The following OBI1 variants were observed in gnomAD, a reference collection of about 807,000 sequenced individuals.
The protein encoded by OBI1 is ring finger protein 219.
Under a neutral mutation model 62.4 loss-of-function variants are expected in OBI1, and 59 were observed. The ratio of observed to expected loss-of-function variants is 0.95; its 90% CI spans 0.77 to 1.17. The LOEUF is 1.17. Among genes scored for constraint, OBI1 ranks in the 50% most tolerant of loss-of-function variants. OBI1 has a pLI of 0.00. For missense variants in OBI1, 875 were observed against 830.9 expected, an observed-to-expected ratio of 1.05 and a Z score of -0.65; for synonymous variants, 302 against 292.8, an observed-to-expected ratio of 1.03 and a Z score of -0.32.
intron 5 of OBI1, among the ~76,000 whole-genome samples, chr13:78,623,665 T>TCAAAATGTAGACTAGATTTTTCTAGG (rs1875581997): frequency 1.3e-5 from 2 of 152,160 alleles, no homozygotes. Flanking sequence ...ATATTTCATA[T>TCAAAATGTAGACTAGATTTTTCTAGG]CAAAATGTAG....
intron 5 of OBI1, among the ~76,000 whole-genome samples, chr13:78,631,722 G>A (rs1391606077): frequency 1.3e-5 from 2 of 152,140 alleles, no homozygotes; most frequent in East Asian, 3.9e-4. Context: ...TGAATTTTTG[G>A]CAAGGAACAG....
intron 1 of OBI1, among the ~76,000 whole-genome samples, chr13:78,654,258 CTTA>C (rs1473341010): frequency 1.3e-5 from 2 of 152,186 alleles, no homozygotes; most frequent in African/African-American, 4.8e-5. Flanking sequence ...TTTGAATTAA[CTTA>C]TTATACACTA....
intron 1 of OBI1, among the ~76,000 whole-genome samples, chr13:78,652,399 C>T (rs1350586207): frequency 7.2e-6 from 1 of 138,534 alleles, no homozygotes; most frequent in African/African-American, 2.7e-5. Flanking sequence ...CTTCCCAAGA[C>T]AAAAAAAAAA....
chr13:78,622,075 A>G (rs1875529060), intron 5 of OBI1, among the ~76,000 whole-genome samples: 2 of 152,240 alleles, frequency 1.3e-5, no homozygotes, highest in South Asian at 4.1e-4. Flanking sequence ...CCATATACAT[A>G]TGTAATTGAT....
At chr13:78,624,817 A>G (rs1008318007) in intron 5 of OBI1, among the ~76,000 whole-genome samples, 2 of 152,246 alleles carry the variant, frequency 1.3e-5, no homozygotes, top group East Asian at 1.9e-4. Flanking sequence ...ATTTCACCCT[A>G]CTTGCTTCTG....
intron 5 of OBI1, among the ~76,000 whole-genome samples, chr13:78,625,555 C>T (rs999804094): frequency 3.3e-5 from 5 of 152,210 alleles, no homozygotes; most frequent in African/African-American, 1.2e-4. Flanking sequence ...AGTTCATAAT[C>T]TCTCTGACAA....
Position 78,634,124 on chromosome 13 carries a change from A to C in OBI1, c.638+986T>G, listed in dbSNP as rs536374341. Among the ~76,000 whole-genome samples the C allele has an allele frequency of 5.9e-5, 9 of 152,076 alleles. No individual in the cohort carries two copies. The South Asian group carries it at 1.2e-3, about 21-fold the overall frequency. On this transcript the variant is annotated intron_variant, in intron 5 of 5. Transcript: ENST00000282003. Reference sequence around the variant, plus strand: ...AAAAAAAACAAAAAACAAACAACAAAAAAAAACAAACTACTCCATAAGGGA... The same window carrying C: ...AAAAAAAACAAAAAACAAACAACAACAAAAAACAAACTACTCCATAAGGGA...
rs955829082 is a variant in OBI1, at chr13:78,659,122, G to A, written c.-2C>T. 2.5e-6 allele frequency: 4 copies of A among 1,610,122 alleles called. No homozygotes were observed. The highest frequency in any genetic ancestry group is 2.2e-5 in the East Asian group (1 of 44,606). On this transcript the variant is annotated 5_prime_UTR_variant, in exon 1 of 6. Transcript: ENST00000282003. Reference sequence around the variant, plus strand: ...AACATTCTGCACGGTCTGAGCCATGGCAGCGTTCAGAATCCCGCCAACACG... The same window carrying A: ...AACATTCTGCACGGTCTGAGCCATGACAGCGTTCAGAATCCCGCCAACACG...
In OBI1 at chr13:78,620,613, G is replaced by A. The variant is rs1156449242; in HGVS notation, c.639-3491C>T. 4 of 433,888 alleles carry A rather than the reference G, an allele frequency of 9.2e-6. No homozygotes were observed. The East Asian group carries it at 3.0e-4, about 32-fold the overall frequency. The allele number at this position is 433,888 out of a possible 1,614,324, so 26.9% of individuals were successfully genotyped here. The stretch of plus-strand genomic sequence containing the variant: ...AATATTAACTGATACATACATTCTG[G>A]ATGAGAGAGAAAAGGATGCCAGTTC... On this transcript the variant is annotated intron_variant, in intron 5 of 5. Coordinates refer to ENST00000282003, the MANE Select transcript of OBI1 (RefSeq NM_024546.4).
Position 78,638,976 on chromosome 13 carries a change from G to T in OBI1, c.396C>A (p.Thr132=). 1 of 1,613,920 alleles carries T rather than the reference G, an allele frequency of 6.2e-7. No individual in the cohort carries two copies. Among genetic ancestry groups the T allele is most frequent in the Non-Finnish European group, 8.5e-7 (1 of 1,179,926 alleles). ...SQIKTILDPL[T]LVQGNQNEDK... is the part of the protein sequence containing the mutation. The stretch of plus-strand genomic sequence containing the variant: ...CTTCATTTTGGTTGCCCTGCACCAA[G>T]GTTAAAGGATCCAGAATAGTTTTGA... The change falls in exon 4 of 6, where the codon ACC becomes ACA. Residue 132 remains threonine, a synonymous_variant. Transcript: ENST00000282003.
At chr13:78,635,498 A>AT (rs951469890) in intron 4 of OBI1, among the ~76,000 whole-genome samples, 10 of 152,194 alleles carry the variant, frequency 6.6e-5, no homozygotes, top group South Asian at 4.2e-4. Context: ...TGTATGTGTG[A>AT]TTTTTTTTCT....
intron 5 of OBI1, among the ~76,000 whole-genome samples, chr13:78,634,174 G>A (rs1875951154): frequency 6.6e-6 from 1 of 150,564 alleles, no homozygotes; most frequent in South Asian, 2.1e-4. Flanking sequence ...TAATTGTATA[G>A]TTTTAAATCA....
At chr13:78,647,159 C>G (rs1876410040) in intron 1 of OBI1, among the ~76,000 whole-genome samples, 1 of 152,232 alleles carries the variant, frequency 6.6e-6, no homozygotes, top group Non-Finnish European at 1.5e-5. Flanking sequence ...ATGTGATAGC[C>G]TGAGATATGG....
rs151201369 is a variant in OBI1, at chr13:78,658,930, C to G, written c.72+119G>C. 1,166 of 796,472 alleles carry G rather than the reference C, an allele frequency of 1.5e-3. 2 individuals carry two copies. The African/African-American group carries it at 0.017, about 11-fold the overall frequency. The allele number at this position is 796,472 out of a possible 1,614,324, so 49.3% of individuals were successfully genotyped here. On this transcript the variant is annotated intron_variant, in intron 1 of 5. Coordinates refer to ENST00000282003, the MANE Select transcript of OBI1 (RefSeq NM_024546.4). ...GCCTCCCATCAAGAACGCGGGTTAGCGTTTTCTCCCATCTCCGCGCCTCAC... is the reference window on the plus strand; with the variant it reads ...GCCTCCCATCAAGAACGCGGGTTAGGGTTTTCTCCCATCTCCGCGCCTCAC...
At chr13:78,646,001 C>T (rs1225132729) in intron 1 of OBI1, among the ~76,000 whole-genome samples, 4 of 152,158 alleles carry the variant, frequency 2.6e-5, no homozygotes, top group Non-Finnish European at 5.9e-5. Context: ...CCGCCCCAAC[C>T]CTTTTCCATC....
intron 5 of OBI1, among the ~76,000 whole-genome samples, chr13:78,633,923 C>T (rs1338956101): frequency 2.0e-5 from 3 of 151,708 alleles, no homozygotes; most frequent in Non-Finnish European, 2.9e-5. Context: ...AAAAATTAGC[C>T]GGGCGAGGTG....
intron 5 of OBI1, among the ~76,000 whole-genome samples, chr13:78,625,271 TAA>T (rs1566277300): frequency 6.6e-6 from 1 of 152,226 alleles, no homozygotes; most frequent in Admixed American, 6.5e-5. Context: ...CTCAATACTG[TAA>T]AAGAGTGCAA....
chr13:78,621,673 C>T (rs1197569095), intron 5 of OBI1, among the ~76,000 whole-genome samples: 1 of 152,204 alleles, frequency 6.6e-6, no homozygotes, highest in Non-Finnish European at 1.5e-5. Flanking sequence ...TCAGTCCATT[C>T]AAGAAATTCT....
intron 5 of OBI1, among the ~76,000 whole-genome samples, chr13:78,617,931 C>T (rs1472034702): frequency 6.6e-6 from 1 of 152,026 alleles, no homozygotes; most frequent in African/African-American, 2.4e-5. Context: ...ACTCCTTTTA[C>T]ACCGGGATTA....
Sources: allele counts gnomAD v4.1 joint callset (sites outside exome capture counted in the v4.1 genomes callset), GRCh38; gene constraint gnomAD v4.1.1; transcripts MANE v1.5; gene names NCBI Gene and HGNC (gene_info 2026-07-23, HGNC 2026-07-21).